Variants in MYO9A observed in about 807,000 individuals in gnomAD.
MYO9A encodes myosin IXA.
Under a neutral mutation model 293.3 loss-of-function variants are expected in MYO9A, and 103 were observed. The ratio of observed to expected loss-of-function variants is 0.35; its 90% CI spans 0.30 to 0.41. The LOEUF (loss-of-function observed/expected upper bound fraction) is 0.41, where lower values mean the gene tolerates loss of function less well. MYO9A is among the 10% of genes least tolerant of loss of function. The pLI, the probability that MYO9A is intolerant of heterozygous loss-of-function variation, is 1.00. For synonymous variants in MYO9A, 1,001 were observed against 1,035.7 expected (o/e 0.97, Z 0.64); for missense variants, 2,685 against 3,033.0 (o/e 0.89, Z 2.69).
rs560264801 is a variant in MYO9A at position 71,826,088 on chromosome 15, C to G, written c.*492G>C. 1 of 140,572 alleles carries G rather than the reference C, an allele frequency of 7.1e-6. No individual in the cohort carries two copies. The highest frequency in any genetic ancestry group is 2.6e-5 in the African/African-American group (1 of 38,042). 8.7% of individuals were successfully genotyped at this position (140,572 alleles called of 1,614,324 possible). A position where few individuals can be genotyped will look rare whatever the true frequency, so the allele number is the denominator to read the frequency against. On this transcript the variant is annotated 3_prime_UTR_variant, in exon 42 of 42. Transcript: ENST00000356056. ...GAAATCTTAAAATAGAGGGATTAGG[C>G]TTTTTGTTTGTAAGTAAGTTTTTGG... is the stretch of plus-strand genomic sequence containing the variant.
intron 9 of MYO9A, among the ~76,000 whole-genome samples, chr15:71,995,978 T>C (rs2076687437): frequency 6.6e-6 from 1 of 152,190 alleles, no homozygotes; most frequent in South Asian, 2.1e-4. Flanking sequence ...CCAAATTCTC[T>C]ATCTTCAACA....
chr15:71,912,190 T>G (rs1331881993), intron 19 of MYO9A, among the ~76,000 whole-genome samples: 2 of 152,164 alleles, frequency 1.3e-5, no homozygotes. Flanking sequence ...TTATTATATA[T>G]TTTATTTCTA....
intron 13 of MYO9A, among the ~76,000 whole-genome samples, chr15:71,964,343 G>C (rs923923701): frequency 7.2e-5 from 11 of 151,810 alleles, no homozygotes; most frequent in African/African-American, 2.7e-4. Flanking sequence ...TTCTCACATA[G>C]AAGCTTAGAG....
chr15:71,958,433 A>G (rs1239236399), intron 14 of MYO9A: 1 of 152,196 alleles, frequency 6.6e-6, no homozygotes, highest in Non-Finnish European at 1.5e-5. Context: ...ACACTGATAT[A>G]TTGTAATATA....
chr15:72,076,919 C>T (rs1203907902), intron 1 of MYO9A, among the ~76,000 whole-genome samples: 2 of 151,758 alleles, frequency 1.3e-5, no homozygotes, highest in Non-Finnish European at 2.9e-5. Flanking sequence ...AGAAACAGAC[C>T]CACACAAATA....
chr15:72,116,739 C>A (rs913009948), intron 1 of MYO9A: 2 of 152,180 alleles, frequency 1.3e-5, no homozygotes, highest in African/African-American at 4.8e-5. Flanking sequence ...ATAGTTATAT[C>A]CACTAGTGCA....
chr15:71,939,400 C>T (rs1398740490), intron 15 of MYO9A, among the ~76,000 whole-genome samples: 2 of 152,108 alleles, frequency 1.3e-5, no homozygotes, highest in Admixed American at 6.5e-5. Context: ...TTGTTTCCTT[C>T]GTGTTCATAA....
chr15:71,993,241 T>C (rs986315734), intron 10 of MYO9A, among the ~76,000 whole-genome samples: 5 of 151,952 alleles, frequency 3.3e-5, no homozygotes, highest in Non-Finnish European at 7.4e-5. Context: ...TCCCAGGTAC[T>C]TGGGAGGCTG....
intron 8 of MYO9A, among the ~76,000 whole-genome samples, chr15:72,005,684 A>G (rs944664786): frequency 1.3e-5 from 2 of 152,200 alleles, no homozygotes; most frequent in Admixed American, 1.3e-4. Flanking sequence ...GCAATGCCCA[A>G]TCACGTACAG....
chr15:71,942,926 A>C (rs1336628006), intron 15 of MYO9A, among the ~76,000 whole-genome samples: 6 of 152,068 alleles, frequency 3.9e-5, no homozygotes, highest in Non-Finnish European at 8.8e-5. Flanking sequence ...AATTTTTAAA[A>C]TCTATATAGG....
chr15:72,040,642 C>A (rs1337450051), intron 2 of MYO9A, among the ~76,000 whole-genome samples: 1 of 152,206 alleles, frequency 6.6e-6, no homozygotes, highest in East Asian at 1.9e-4. Flanking sequence ...GTTGACCAGA[C>A]TGGAGTGCAA....
intron 9 of MYO9A, among the ~76,000 whole-genome samples, chr15:71,996,177 A>T (rs567851906): frequency 5.3e-4 from 81 of 152,324 alleles, no homozygotes; most frequent in Non-Finnish European, 9.7e-4. Flanking sequence ...AATGAAGATA[A>T]TCTAATAAAA....
Position 71,898,094 on chromosome 15 carries a change from C to T in MYO9A, c.4409G>A (p.Gly1470Glu), listed in dbSNP as rs112823141. Residue 1470 changes from glycine (G) to glutamate (E), a missense_variant, in exon 25 of 42, where the codon GGA (glycine) becomes GAA (glutamate). Coordinates refer to ENST00000356056, the MANE Select transcript of MYO9A (RefSeq NM_006901.4). ...CAAAGAAGGAACAATCTGATCTTTT[C>T]CTGAGCAGTGATACCTTCTAGTTTC... ...NRETRRYHCS[G>E]KDQIVPSLNT... is the part of the protein sequence containing the mutation. 1.9e-6 allele frequency: 3 copies of T among 1,614,148 alleles called. No homozygotes were observed. Among genetic ancestry groups the T allele is most frequent in the Non-Finnish European group, 2.5e-6 (3 of 1,180,034 alleles).
At chr15:72,041,176 T>A in intron 2 of MYO9A, 1 of 1,156,670 alleles carries the variant, frequency 8.6e-7, no homozygotes, top group South Asian at 1.2e-5. Flanking sequence ...GCCAGGGAGG[T>A]TGAGGCTCCC....
rs1400057324 is a variant in MYO9A, at chr15:72,046,230, G to A, written c.334C>T (p.Leu112Phe). ...DYRFLLREKN[L>F]DGSIHYGSLQ... is the part of the protein sequence containing the mutation. ...CTACCATAATGGATTGATCCATCAA[G>A]GTTTTTCTCTCTCAGAAGGAAGCGG... The change falls in exon 2 of 42, where the codon CTT (leucine) becomes TTT (phenylalanine). Residue 112 changes from leucine (L) to phenylalanine (F), a missense_variant. Coordinates refer to ENST00000356056, the MANE Select transcript of MYO9A (RefSeq NM_006901.4). The A allele has an allele frequency of 6.2e-7, 1 of 1,613,856 alleles. No homozygotes were observed. Among genetic ancestry groups the A allele is most frequent in the Non-Finnish European group, 8.5e-7 (1 of 1,179,824 alleles).
intron 22 of MYO9A, among the ~76,000 whole-genome samples, chr15:71,902,658 T>C (rs2057519178): frequency 6.6e-6 from 1 of 152,274 alleles, no homozygotes; most frequent in East Asian, 1.9e-4. Context: ...TAAGAACAGA[T>C]GAATCTGGAT....
chr15:71,877,258 C>T (rs2056722240), intron 31 of MYO9A, among the ~76,000 whole-genome samples: 1 of 152,058 alleles, frequency 6.6e-6, no homozygotes, highest in Admixed American at 6.6e-5. Context: ...ATAAAATACA[C>T]AACACCGAGT....
rs2076814399 is a variant in MYO9A at position 71,999,889 on chromosome 15, C to T, written c.1432G>A (p.Val478Met). ...TATGGCAAAATAAGCTTTTCTCCCA[C>T]TGTCACCGTCTTCCTTGTAACTAAT... ...EALVTRKTVT[V>M]GEKLILPYKL... Residue 478 changes from valine (V) to methionine (M), a missense_variant, in exon 9 of 42, where the codon GTG becomes ATG. Transcript: ENST00000356056. The T allele has an allele frequency of 1.9e-6, 3 of 1,612,584 alleles. No individual in the cohort carries two copies. Among genetic ancestry groups the T allele is most frequent in the Non-Finnish European group, 2.5e-6 (3 of 1,179,508 alleles).
chr15:72,088,277 T>C (rs2079805242), intron 1 of MYO9A, among the ~76,000 whole-genome samples: 2 of 152,240 alleles, frequency 1.3e-5, no homozygotes, highest in Non-Finnish European at 1.5e-5. Context: ...TTCAACTTGA[T>C]ACTGTTTTAT....
Sources: allele counts gnomAD v4.1 joint callset (sites outside exome capture counted in the v4.1 genomes callset), GRCh38; gene constraint gnomAD v4.1.1; transcripts MANE v1.5; gene names NCBI Gene and HGNC (gene_info 2026-07-23, HGNC 2026-07-21).